The following STIM1 variants were observed in gnomAD, a reference collection of about 807,000 sequenced individuals.
STIM1 encodes the protein stromal interaction molecule 1.
Under a neutral mutation model 74.7 loss-of-function variants are expected in STIM1, and 25 were observed. That is an observed-to-expected ratio of 0.33 (90% CI 0.24 to 0.47). STIM1 has a LOEUF of 0.47. Ranked by LOEUF, STIM1 falls within the 20% of genes least tolerant of loss-of-function variation. The probability of loss-of-function intolerance (pLI) is 1.00; values close to 1 mark genes in which losing one functional copy is unlikely to be tolerated. For synonymous variants in STIM1, 328 were observed against 348.8 expected, an observed-to-expected ratio of 0.94 and a Z score of 0.66; for missense variants, 728 against 920.8, an observed-to-expected ratio of 0.79 and a Z score of 2.71.
rs116305634 is a variant in STIM1 at position 3,871,162 on chromosome 11, C to T, written c.139+14753C>T. Among the ~76,000 whole-genome samples, 690 of 152,240 alleles carry T rather than the reference C, an allele frequency of 4.5e-3. 3 individuals are homozygous for T. Among genetic ancestry groups the T allele is most frequent in the Middle Eastern group, 0.031 (9 of 292 alleles). ...GATTACAGGCGTGAGCCACGACGCC[C>T]GGCCTCCTATCAGCTACTCCTGACC... On this transcript the variant is annotated intron_variant, in intron 1 of 12. Coordinates refer to ENST00000526596, the MANE Select transcript of STIM1 (RefSeq NM_001382567.1).
At chr11:4,074,863 G>A (rs747277080) in intron 7 of STIM1, among the ~76,000 whole-genome samples, 184 bp downstream of exon 7, 5 of 152,188 alleles carry the variant, frequency 3.3e-5, no homozygotes, top group Non-Finnish European at 7.3e-5. Flanking sequence ...TATGGGCCAG[G>A]CACAGTGGTT....
intron 1 of STIM1, among the ~76,000 whole-genome samples, chr11:3,932,509 A>G (rs916313287): frequency 6.6e-6 from 1 of 151,954 alleles, no homozygotes; most frequent in Non-Finnish European, 1.5e-5. Context: ...AAAATTACAA[A>G]AAATCAGCCG....
At chr11:3,865,246 T>G (rs1246059687) in intron 1 of STIM1, among the ~76,000 whole-genome samples, 3 of 152,190 alleles carry the variant, frequency 2.0e-5, no homozygotes. Context: ...CTCCCAAACT[T>G]CTTATTTACA....
At chr11:3,896,049 C>T (rs896105779) in intron 1 of STIM1, among the ~76,000 whole-genome samples, 13 of 151,544 alleles carry the variant, frequency 8.6e-5, no homozygotes, top group South Asian at 2.1e-4. Flanking sequence ...GGACTACAGG[C>T]GCCCACCACC....
At chr11:4,061,336 A>G (rs975651804) in intron 5 of STIM1, among the ~76,000 whole-genome samples, 12 of 152,198 alleles carry the variant, frequency 7.9e-5, no homozygotes, top group Non-Finnish European at 2.9e-5. Flanking sequence ...GGCTTATTGC[A>G]TGTAGCCCAT....
chr11:3,922,163 A>T (rs2135525827), intron 1 of STIM1, among the ~76,000 whole-genome samples: 1 of 152,090 alleles, frequency 6.6e-6, no homozygotes, highest in South Asian at 2.1e-4. Context: ...TAGTTGTCTG[A>T]CCTTCTTTTC....
rs187584732 is a variant in STIM1 at position 3,951,014 on chromosome 11, A to G, written c.140-16538A>G. 1.1e-4 allele frequency among the ~76,000 whole-genome samples: 16 copies of G among 152,360 alleles called. No individual in the cohort carries two copies. In the East Asian group the frequency reaches 3.1e-3, roughly 29 times the overall value. On this transcript the variant is annotated intron_variant, in intron 1 of 12. Transcript: ENST00000526596. ...TAGAACAGAGACAGGGCGAATAGTGAGGAAACTGTTGTAACCCAGGCAAGA... is the reference window on the plus strand; with the variant it reads ...TAGAACAGAGACAGGGCGAATAGTGGGGAAACTGTTGTAACCCAGGCAAGA...
chr11:3,906,799 T>C (rs917920134), intron 1 of STIM1, among the ~76,000 whole-genome samples: 1 of 152,222 alleles, frequency 6.6e-6, no homozygotes, highest in African/African-American at 2.4e-5. Flanking sequence ...TAAGTTTTTG[T>C]TGAATAAAGC....
In STIM1 at chr11:3,889,797, G is replaced by A. The variant is rs555569189; in HGVS notation, c.139+33388G>A. Among the ~76,000 whole-genome samples the A allele has an allele frequency of 1.2e-4, 18 of 152,174 alleles. No individual in the cohort carries two copies. The South Asian group carries it at 3.7e-3, about 32-fold the overall frequency. On this transcript the variant is annotated intron_variant, in intron 1 of 12. Coordinates refer to ENST00000526596, the MANE Select transcript of STIM1 (RefSeq NM_001382567.1). ...TGGGGCTAGTCTGAGTCTTTTCAAA[G>A]TTGCAGGAGATGCAGTTTTCTAGGC...
At chr11:3,944,446 T>C (rs917546862) in intron 1 of STIM1, among the ~76,000 whole-genome samples, 2 of 152,160 alleles carry the variant, frequency 1.3e-5, no homozygotes, top group Non-Finnish European at 2.9e-5. Flanking sequence ...GCCAGAACTC[T>C]CTGTGCCTGT....
chr11:3,989,376 A>G (rs754126432), intron 2 of STIM1: 33 of 775,914 alleles, frequency 4.3e-5, no homozygotes, highest in Non-Finnish European at 7.4e-5. Context: ...CTTTTGCAGG[A>G]GCAGGTTTAG....
chr11:4,055,809 C>G (rs536351497), intron 4 of STIM1, among the ~76,000 whole-genome samples, 172 bp downstream of exon 4: 1 of 152,176 alleles, frequency 6.6e-6, no homozygotes, highest in Admixed American at 6.5e-5. Context: ...GTATGATGGG[C>G]GCTTTGTATC....
At chr11:3,916,459 T>C (rs2092645153) in intron 1 of STIM1, among the ~76,000 whole-genome samples, 1 of 151,456 alleles carries the variant, frequency 6.6e-6, no homozygotes, top group African/African-American at 2.4e-5. Context: ...AATTTTTTTT[T>C]TTTTTTTTTT....
chr11:4,007,596 A>G (rs2093795083), intron 2 of STIM1, among the ~76,000 whole-genome samples: 1 of 152,202 alleles, frequency 6.6e-6, no homozygotes, highest in African/African-American at 2.4e-5. Context: ...AGGTATTCAT[A>G]GGCACTATGG....
chr11:4,079,662 T>C (rs2133209377), intron 7 of STIM1, among the ~76,000 whole-genome samples: 1 of 152,384 alleles, frequency 6.6e-6, no homozygotes. Flanking sequence ...AAAAACAATT[T>C]TGAAAACACA....
chr11:4,030,063 C>T (rs1252371036), intron 3 of STIM1, among the ~76,000 whole-genome samples: 1 of 152,130 alleles, frequency 6.6e-6, no homozygotes, highest in Non-Finnish European at 1.5e-5. Context: ...TGCGGTGGCT[C>T]ACGCCTGTAA....
intron 1 of STIM1, among the ~76,000 whole-genome samples, chr11:3,944,952 G>C (rs191496390): frequency 3.6e-4 from 55 of 152,066 alleles, no homozygotes; most frequent in African/African-American, 1.3e-3. Flanking sequence ...TATATAATAC[G>C]GGTGACCCAG....
chr11:3,876,156 GA>G (rs2091301531), intron 1 of STIM1, among the ~76,000 whole-genome samples: 1 of 152,204 alleles, frequency 6.6e-6, no homozygotes, highest in Non-Finnish European at 1.5e-5. Context: ...TAATGTATGT[GA>G]AAGTCTTTTG....
chr11:4,069,607 C>T (rs1362560546), intron 5 of STIM1, among the ~76,000 whole-genome samples: 1 of 152,144 alleles, frequency 6.6e-6, no homozygotes, highest in Non-Finnish European at 1.5e-5. Context: ...TGCTTTATAT[C>T]CTTTATACCA....
Sources: allele counts gnomAD v4.1 joint callset (sites outside exome capture counted in the v4.1 genomes callset), GRCh38; gene constraint gnomAD v4.1.1; transcripts MANE v1.5; gene names NCBI Gene and HGNC (gene_info 2026-07-23, HGNC 2026-07-21).